Variants in RAPGEF4 observed in about 807,000 individuals in gnomAD.
RAPGEF4 encodes the protein RAP guanine-nucleotide-exchange factor (GEF) 4.
Under a neutral mutation model 147.9 loss-of-function variants are expected in RAPGEF4, and 66 were observed. The ratio of observed to expected loss-of-function variants is 0.45; its 90% CI spans 0.37 to 0.55. The LOEUF is 0.55. Ranked by LOEUF, RAPGEF4 falls within the 20% of genes least tolerant of loss-of-function variation. RAPGEF4 has a pLI of 0.00. For missense variants in RAPGEF4, 1,071 were observed against 1,257.3 expected (o/e 0.85, Z 2.24); for synonymous variants, 419 against 442.7 (o/e 0.95, Z 0.67).
intron 15 of RAPGEF4, 87 bp from the exon 16 acceptor site, chr2:172,996,379 A>T: frequency 1.5e-6 from 1 of 674,870 alleles, no homozygotes. Flanking sequence ...TCTCAAATTA[A>T]AAAAAAAAAA....
chr2:172,819,933 AT>A (rs1276276070), intron 4 of RAPGEF4, among the ~76,000 whole-genome samples: 4 of 152,138 alleles, frequency 2.6e-5, no homozygotes, highest in African/African-American at 9.7e-5. Context: ...GTATTTTATG[AT>A]TGATAGTAGC....
intron 4 of RAPGEF4, among the ~76,000 whole-genome samples, chr2:172,841,326 C>T (rs1387682454): frequency 6.6e-6 from 1 of 152,158 alleles, no homozygotes; most frequent in Non-Finnish European, 1.5e-5. Flanking sequence ...TACATTTCAG[C>T]TCCCCTTTAT....
intron 4 of RAPGEF4, among the ~76,000 whole-genome samples, chr2:172,905,059 T>A (rs1699481455): frequency 6.6e-6 from 1 of 152,026 alleles, no homozygotes; most frequent in Non-Finnish European, 1.5e-5. Flanking sequence ...ACTGGCCTTC[T>A]TTGTCCCTTA....
chr2:172,818,116 A>T (rs1688693164), intron 4 of RAPGEF4, among the ~76,000 whole-genome samples: 1 of 151,752 alleles, frequency 6.6e-6, no homozygotes, highest in African/African-American at 2.4e-5. Flanking sequence ...GTTCTCACTC[A>T]TACGTGCGAG....
chr2:172,929,362 A>G (rs1246453267), intron 6 of RAPGEF4, among the ~76,000 whole-genome samples: 1 of 152,206 alleles, frequency 6.6e-6, no homozygotes, highest in Non-Finnish European at 1.5e-5. Flanking sequence ...ATGACATTAC[A>G]TTGAAGACAG....
At chr2:172,885,975 G>C (rs971323525) in intron 4 of RAPGEF4, among the ~76,000 whole-genome samples, 5 of 152,158 alleles carry the variant, frequency 3.3e-5, no homozygotes, top group Admixed American at 1.3e-4. Flanking sequence ...TCTGAGACCA[G>C]TGCAGCCACT....
chr2:172,808,518 A>G (rs534555925), intron 3 of RAPGEF4, among the ~76,000 whole-genome samples: 1 of 152,344 alleles, frequency 6.6e-6, no homozygotes, highest in Admixed American at 6.5e-5. Context: ...TATTTAAATG[A>G]TAGAAAAAAA....
chr2:172,748,775 G>A (rs1414222992), intron 1 of RAPGEF4, among the ~76,000 whole-genome samples: 2 of 152,178 alleles, frequency 1.3e-5, no homozygotes, highest in East Asian at 3.8e-4. Flanking sequence ...TCTGAGACAA[G>A]GCAAGTCCCT....
intron 10 of RAPGEF4, among the ~76,000 whole-genome samples, chr2:172,971,283 C>T (rs1690454310): frequency 6.6e-6 from 1 of 152,176 alleles, no homozygotes; most frequent in South Asian, 2.1e-4. Context: ...TAAAGTGAGA[C>T]ATAGGTTCCA....
intron 10 of RAPGEF4, among the ~76,000 whole-genome samples, chr2:172,973,955 T>G (rs946278120): frequency 6.6e-6 from 1 of 152,216 alleles, no homozygotes; most frequent in African/African-American, 2.4e-5. Context: ...CATCTTCAGA[T>G]TACAAGTCTC....
intron 12 of RAPGEF4, among the ~76,000 whole-genome samples, chr2:172,985,915 T>C (rs185983589): frequency 6.6e-6 from 1 of 152,332 alleles, no homozygotes; most frequent in East Asian, 1.9e-4. Context: ...CCATCCTACT[T>C]TATTTTTCTT....
intron 4 of RAPGEF4, among the ~76,000 whole-genome samples, chr2:172,854,091 T>A (rs183177423): frequency 3.5e-4 from 53 of 152,194 alleles, no homozygotes; most frequent in Admixed American, 2.4e-3. Context: ...TAGTATTTTT[T>A]AAATGTCAAT....
At chr2:172,881,239 C>T (rs1432507204) in intron 4 of RAPGEF4, among the ~76,000 whole-genome samples, 1 of 152,158 alleles carries the variant, frequency 6.6e-6, no homozygotes, top group East Asian at 1.9e-4. Flanking sequence ...TTAGTACTTT[C>T]TTTGACTGTT....
intron 28 of RAPGEF4, 31 bp downstream of exon 28, chr2:173,036,243 G>C (rs939859964): frequency 2.0e-6 from 3 of 1,489,500 alleles, no homozygotes; most frequent in East Asian, 2.3e-5. Flanking sequence ...AGGCCAAGCA[G>C]GTGATGAGTA....
chr2:172,854,492 A>C (rs927585300), intron 4 of RAPGEF4, among the ~76,000 whole-genome samples: 1 of 152,078 alleles, frequency 6.6e-6, no homozygotes, highest in Non-Finnish European at 1.5e-5. Context: ...TATAAAGAAC[A>C]TATAGATGAA....
At chr2:172,967,183 A>G (rs1689933263) in intron 9 of RAPGEF4, 78 bp from the exon 10 acceptor site, 1 of 1,431,198 alleles carries the variant, frequency 7.0e-7, no homozygotes, top group Non-Finnish European at 9.6e-7. Context: ...CCTGCCTGAC[A>G]CTCTGCATTT....
At chr2:172,992,683 T>G (rs1403474621) in intron 15 of RAPGEF4, among the ~76,000 whole-genome samples, 2 of 152,266 alleles carry the variant, frequency 1.3e-5, no homozygotes, top group African/African-American at 4.8e-5. Flanking sequence ...TATGTTTTAT[T>G]ATTTTAGGCC....
In RAPGEF4 at chr2:172,999,147, C is replaced by T. The variant is rs528537866; in HGVS notation, c.1580-2119C>T. Reference sequence around the variant, plus strand: ...AGAAATCAGTGTATTCTAAGGCTGGCGTGTGGGATGTGATTCTTGACCCTT... The same window carrying T: ...AGAAATCAGTGTATTCTAAGGCTGGTGTGTGGGATGTGATTCTTGACCCTT... On this transcript the variant is annotated intron_variant, in intron 16 of 30. Transcript: ENST00000397081. 2.4e-4 allele frequency among the ~76,000 whole-genome samples: 36 copies of T among 152,136 alleles called. No homozygotes were observed. The South Asian group carries it at 2.7e-3, about 11-fold the overall frequency.
chr2:172,947,134 A>G (rs1687753988), intron 6 of RAPGEF4, among the ~76,000 whole-genome samples: 1 of 152,178 alleles, frequency 6.6e-6, no homozygotes, highest in Admixed American at 6.5e-5. Flanking sequence ...TGGGCTTCCT[A>G]AGGGTTAAAT....
Sources: gnomAD v4.1 joint callset for allele counts (sites outside exome capture counted in the v4.1 genomes callset) on GRCh38, gnomAD v4.1.1 for gene constraint, MANE v1.5 for transcripts, NCBI Gene and HGNC (gene_info 2026-07-23, HGNC 2026-07-21) for gene names.